The following LEMD3 variants were observed in gnomAD, a reference collection of about 807,000 sequenced individuals.
The protein encoded by LEMD3 is inner nuclear membrane protein Man1.
Under a neutral mutation model 95.2 loss-of-function variants are expected in LEMD3, and 33 were observed. That is an observed-to-expected ratio of 0.35 (90% CI 0.26 to 0.46). The LOEUF (loss-of-function observed/expected upper bound fraction) is 0.46. Ranked by LOEUF, LEMD3 falls within the 20% of genes least tolerant of loss-of-function variation. The pLI is 1.00. For synonymous variants in LEMD3, 525 were observed against 474.6 expected (o/e 1.11, Z -1.38); for missense variants, 1,210 against 1,192.8 (o/e 1.01, Z -0.21).
chr12:65,169,851 G>GGCC lies in LEMD3; in HGVS notation c.258_260dup (p.Ala87dup), dbSNP rs1182234342. 5 of 1,457,200 alleles carry GGCC rather than the reference G, an allele frequency of 3.4e-6. No homozygotes were observed. The African/African-American group carries it at 7.2e-5, about 21-fold the overall frequency. 90.3% of individuals were successfully genotyped at this position (1,457,200 alleles called of 1,614,324 possible). ...CAGCCGCGGGACCAGCGGCGGCGGC[G>GGCC]GCCGCGGGGATGGGGGTCCGGCCGG... On this transcript the variant is annotated inframe_insertion, in exon 1 of 13. Transcript: ENST00000308330.
intron 1 of LEMD3, among the ~76,000 whole-genome samples, chr12:65,181,893 G>GT (rs1463370919): frequency 2.7e-5 from 4 of 150,748 alleles, no homozygotes; most frequent in Non-Finnish European, 5.9e-5. Context: ...TGACAGAAGT[G>GT]TTTTGTTTTT....
chr12:65,209,035 G>T (rs1375807110), intron 1 of LEMD3, among the ~76,000 whole-genome samples: 1 of 152,072 alleles, frequency 6.6e-6, no homozygotes. Context: ...GAACACTTTT[G>T]CTTCAGTGTT....
At chr12:65,229,725 G>T (rs536230950) in intron 4 of LEMD3, among the ~76,000 whole-genome samples, 1 of 152,186 alleles carries the variant, frequency 6.6e-6, no homozygotes, top group Non-Finnish European at 1.5e-5. Context: ...TGAGTTCCTT[G>T]TGTGTTCTGG....
At chr12:65,214,145 A>G (rs574257645) in intron 2 of LEMD3, among the ~76,000 whole-genome samples, 7 of 151,750 alleles carry the variant, frequency 4.6e-5, no homozygotes, top group Admixed American at 2.0e-4. Context: ...GCTCACTGCA[A>G]CCTCCACCTC....
chr12:65,191,008 G>T (rs1261156170), intron 1 of LEMD3, among the ~76,000 whole-genome samples: 1 of 151,990 alleles, frequency 6.6e-6, no homozygotes, highest in East Asian at 1.9e-4. Context: ...AAACAAAAAG[G>T]CCATAAAAAT....
intron 1 of LEMD3, among the ~76,000 whole-genome samples, chr12:65,177,840 C>CTTT (rs776856955): frequency 7.6e-6 from 1 of 130,798 alleles, no homozygotes. Flanking sequence ...TGCTCTCATT[C>CTTT]TTTTTTTTTT....
At chr12:65,174,279 A>T (rs931641753) in intron 1 of LEMD3, among the ~76,000 whole-genome samples, 1 of 152,106 alleles carries the variant, frequency 6.6e-6, no homozygotes, top group Non-Finnish European at 1.5e-5. Context: ...GGATTAGATG[A>T]TCCCTAAGCT....
Position 65,178,083 on chromosome 12 carries a change from C to T in LEMD3, c.1522+6965C>T, listed in dbSNP as rs1474021866. Among the ~76,000 whole-genome samples, 18 of 151,898 alleles carry T rather than the reference C, an allele frequency of 1.2e-4. No individual in the cohort carries two copies. The East Asian group carries it at 2.3e-3, about 20-fold the overall frequency. On this transcript the variant is annotated intron_variant, in intron 1 of 12. Coordinates refer to ENST00000308330, the MANE Select transcript of LEMD3 (RefSeq NM_014319.5). ...CTGGTCTTGAACTCCTGGGCTCAAG[C>T]GATCCTGTCACCTTCGCCTCCCAAA...
intron 1 of LEMD3, among the ~76,000 whole-genome samples, chr12:65,179,317 A>G (rs1484878901): frequency 1.3e-5 from 2 of 152,122 alleles, no homozygotes; most frequent in Non-Finnish European, 2.9e-5. Context: ...CAGGGACACT[A>G]AAATAATCAT....
chr12:65,225,972 C>T (rs929875697), intron 4 of LEMD3, among the ~76,000 whole-genome samples: 3 of 152,218 alleles, frequency 2.0e-5, no homozygotes, highest in South Asian at 2.1e-4. Context: ...GCCAGCGAGG[C>T]AACACTCCTT....
Position 65,240,145 on chromosome 12 carries a change from G to C in LEMD3, c.2033G>C (p.Arg678Pro), listed in dbSNP as rs770458284. ...DMVVKIIDVL[R>P]SHNEACQENK... ...TTTTATTTATTTTTAGATGTTTTAC[G>C]AAGTCATAATGAAGCCTGCCAGGAA... The change falls in exon 8 of 13, where the codon CGA (arginine) becomes CCA (proline). Residue 678 changes from arginine (R) to proline (P), a missense_variant. Transcript: ENST00000308330. 6.2e-7 allele frequency: 1 copy of C among 1,612,048 alleles called. No homozygotes were observed. The highest frequency in any genetic ancestry group is 8.5e-7 in the Non-Finnish European group (1 of 1,178,304).
chr12:65,223,362 G>A (rs1870351832), intron 4 of LEMD3, among the ~76,000 whole-genome samples: 1 of 144,496 alleles, frequency 6.9e-6, no homozygotes, highest in Non-Finnish European at 1.5e-5. Flanking sequence ...TGAGTGCAGT[G>A]GTGAGATCAT....
In LEMD3 at chr12:65,170,914, A is replaced by G; in HGVS notation, c.1318A>G (p.Thr440Ala). The change falls in exon 1 of 13, where the codon ACA (threonine) becomes GCA (alanine). Residue 440 changes from threonine to alanine, a missense_variant. Coordinates refer to ENST00000308330, the MANE Select transcript of LEMD3 (RefSeq NM_014319.5). Reference protein sequence around the residue: ...TGSNHTYLKNTYNKPKLSEPE... With the variant: ...TGSNHTYLKNAYNKPKLSEPE... ...CTCCAATCATACCTACCTGAAAAAC[A>G]CATACAACAAACCGAAGCTTTCCGA... 2 of 1,614,226 alleles carry G rather than the reference A, an allele frequency of 1.2e-6. No homozygotes were observed. The highest frequency in any genetic ancestry group is 1.1e-5 in the South Asian group (1 of 91,084).
intron 3 of LEMD3, among the ~76,000 whole-genome samples, chr12:65,217,387 A>G (rs1228448464): frequency 5.9e-5 from 9 of 152,224 alleles, no homozygotes; most frequent in Non-Finnish European, 1.2e-4. Flanking sequence ...TGGGATCTAA[A>G]TCTCTGAGGA....
rs746625092 is a variant in LEMD3, at chr12:65,215,987, A to C, written c.1571A>C (p.Lys524Thr). 1 of 1,535,336 alleles carries C rather than the reference A, an allele frequency of 6.5e-7. No individual in the cohort carries two copies. The highest frequency in any genetic ancestry group is 8.9e-7 in the Non-Finnish European group (1 of 1,123,400). Residue 524 changes from lysine (K) to threonine (T), a missense_variant, in exon 3 of 13, where the codon AAA (lysine) becomes ACA (threonine). Lys to Thr is a moderately conservative substitution (Grantham distance 78). Around this residue, in one of 2 missense-constraint regions of LEMD3, gnomAD observed 461 missense variants for 569.8 expected, o/e 0.81. Coordinates refer to ENST00000308330, the MANE Select transcript of LEMD3 (RefSeq NM_014319.5). ...TTCTCTTAATTTTAGGAAAGTGAAA[A>C]AACTCTTATGATGAACACATTATAT... ...ETFGKIQESE[K>T]TLMMNTLYKL...
At chr12:65,193,624 TTC>T (rs1286557363) in intron 1 of LEMD3, among the ~76,000 whole-genome samples, 1 of 152,068 alleles carries the variant, frequency 6.6e-6, no homozygotes, top group Non-Finnish European at 1.5e-5. Context: ...TTTCAGGTGT[TTC>T]TGTTTACTGG....
intron 1 of LEMD3, among the ~76,000 whole-genome samples, chr12:65,179,560 A>C (rs1868836595): frequency 6.6e-6 from 1 of 152,188 alleles, no homozygotes; most frequent in Non-Finnish European, 1.5e-5. Context: ...AGTACTACTA[A>C]CTTGTTTGTG....
chr12:65,199,709 T>C (rs971290799), intron 1 of LEMD3, among the ~76,000 whole-genome samples: 7 of 152,230 alleles, frequency 4.6e-5, no homozygotes, highest in African/African-American at 1.7e-4. Context: ...GATTGAATTA[T>C]GAATAAAGCT....
intron 1 of LEMD3, among the ~76,000 whole-genome samples, chr12:65,196,692 C>T (rs1412556093): frequency 6.6e-6 from 1 of 151,192 alleles, no homozygotes; most frequent in African/African-American, 2.4e-5. Flanking sequence ...TGCTCATAGT[C>T]AAGAGAATTC....
Sources: gnomAD v4.1 joint callset for allele counts (sites outside exome capture counted in the v4.1 genomes callset) on GRCh38, gnomAD v4.1.1 for gene constraint, gnomAD v4.1.1 regional missense constraint, MANE v1.5 for transcripts, NCBI Gene and HGNC (gene_info 2026-07-23, HGNC 2026-07-21) for gene names.